The following SORCS1 variants were observed in gnomAD, a reference collection of about 807,000 sequenced individuals.
SORCS1 encodes the protein VPS10 domain-containing receptor SorCS1.
Under a neutral mutation model 146.1 loss-of-function variants are expected in SORCS1, and 60 were observed. That is an observed-to-expected ratio of 0.41 (90% CI 0.33 to 0.51). SORCS1 has a LOEUF of 0.51. Among genes scored for constraint, SORCS1 ranks in the 20% least tolerant of loss-of-function variants. The probability of loss-of-function intolerance (pLI) is 0.21; values close to 1 mark genes in which losing one functional copy is unlikely to be tolerated. For missense variants in SORCS1, 1,352 were observed against 1,487.6 expected (o/e 0.91, Z 1.50); for synonymous variants, 637 against 584.0 (o/e 1.09, Z -1.31).
chr10:107,052,473 C>T (rs1302983574), intron 1 of SORCS1, among the ~76,000 whole-genome samples: 1 of 152,064 alleles, frequency 6.6e-6, no homozygotes, highest in Non-Finnish European at 1.5e-5. Context: ...TGATGAAACC[C>T]TACAGGCTAA....
At chr10:107,086,014 G>A (rs1417341477) in intron 1 of SORCS1, among the ~76,000 whole-genome samples, 1 of 152,186 alleles carries the variant, frequency 6.6e-6, no homozygotes, top group Non-Finnish European at 1.5e-5. Flanking sequence ...AGTGACTTGA[G>A]GTTTAAAGCA....
Position 106,675,056 on chromosome 10 carries a change from T to C in SORCS1, c.1933A>G (p.Ile645Val). The C allele has an allele frequency of 6.2e-7, 1 of 1,612,458 alleles. No homozygotes were observed. Residue 645 changes from isoleucine (I) to valine (V), a missense_variant, in exon 14 of 26, where the codon ATC (isoleucine) becomes GTC (valine). Coordinates refer to ENST00000263054, the MANE Select transcript of SORCS1 (RefSeq NM_052918.5). ...TCATACTTTTCAACTTACGTCATGA[T>C]GAGAGTCTCTTCTCCAGGCTCACCC... is the stretch of plus-strand genomic sequence containing the variant. The part of the protein sequence containing the change: ...VLGEPGEETL[I>V]MTVFGHFSHR...
intron 23 of SORCS1, among the ~76,000 whole-genome samples, chr10:106,606,274 TAC>T (rs6144077): frequency 0.043 from 6,000 of 138,650 alleles, 108 homozygotes; most frequent in African/African-American, 0.07. Context: ...CACACAGATA[TAC>T]ACACACACAC....
intron 25 of SORCS1, chr10:106,578,651 C>T: frequency 1.0e-6 from 1 of 996,424 alleles, no homozygotes; most frequent in Non-Finnish European, 1.2e-6. Context: ...AGCAGTTTGC[C>T]CTCCTTAAGA....
intron 1 of SORCS1, among the ~76,000 whole-genome samples, chr10:107,124,553 C>T (rs940953898): frequency 6.6e-6 from 1 of 152,022 alleles, no homozygotes; most frequent in African/African-American, 2.4e-5. Flanking sequence ...GGTAAACGAA[C>T]CATTAATGGC....
chr10:106,599,172 C>G (rs1427853286), intron 23 of SORCS1, among the ~76,000 whole-genome samples: 1 of 152,018 alleles, frequency 6.6e-6, no homozygotes, highest in Non-Finnish European at 1.5e-5. Flanking sequence ...TCGAGACCAG[C>G]ATGGCCAACA....
intron 1 of SORCS1, among the ~76,000 whole-genome samples, chr10:107,002,494 C>T (rs1957262444): frequency 6.6e-6 from 1 of 152,180 alleles, no homozygotes; most frequent in Admixed American, 6.5e-5. Context: ...GCAACTGTCT[C>T]CAGCCCACAT....
intron 2 of SORCS1, among the ~76,000 whole-genome samples, chr10:106,912,203 G>A (rs866267287): frequency 6.6e-6 from 1 of 152,008 alleles, no homozygotes; most frequent in African/African-American, 2.4e-5. Flanking sequence ...GTGGCCAGAC[G>A]GTAAGGCTGC....
intron 2 of SORCS1, among the ~76,000 whole-genome samples, chr10:106,917,798 C>T (rs747993987): frequency 3.8e-4 from 58 of 152,180 alleles, no homozygotes; most frequent in Non-Finnish European, 7.6e-4. Flanking sequence ...GTCCCTCAGA[C>T]TCTGAGAGAA....
chr10:106,581,134 CA>C (rs1844881037), intron 24 of SORCS1, among the ~76,000 whole-genome samples: 1 of 152,190 alleles, frequency 6.6e-6, no homozygotes, highest in African/African-American at 2.4e-5. Context: ...AGGATGTCAT[CA>C]GGGGAAGAGA....
intron 1 of SORCS1, among the ~76,000 whole-genome samples, chr10:107,092,509 C>T (rs781393584): frequency 2.6e-5 from 4 of 152,174 alleles, no homozygotes; most frequent in Admixed American, 1.3e-4. Flanking sequence ...TCAATGGTAT[C>T]GTTCTCCCTG....
At chr10:106,816,110 T>C (rs1947731137) in intron 3 of SORCS1, among the ~76,000 whole-genome samples, 2 of 152,192 alleles carry the variant, frequency 1.3e-5, no homozygotes, top group South Asian at 4.1e-4. Context: ...CCCATTAAAA[T>C]GTCAGCAGCA....
intron 17 of SORCS1, among the ~76,000 whole-genome samples, chr10:106,659,884 TA>T (rs1850593923): frequency 6.6e-6 from 1 of 152,210 alleles, no homozygotes; most frequent in Admixed American, 6.5e-5. Flanking sequence ...AAGGTTTTCT[TA>T]AGAAAGTTTT....
chr10:106,983,261 T>C (rs1268650630), intron 1 of SORCS1, among the ~76,000 whole-genome samples: 8 of 148,384 alleles, frequency 5.4e-5, no homozygotes, highest in Admixed American at 4.7e-4. Context: ...CATATTTCTA[T>C]ATATAAATAT....
At chr10:107,130,495 G>C (rs774360333) in intron 1 of SORCS1, among the ~76,000 whole-genome samples, 1 of 152,206 alleles carries the variant, frequency 6.6e-6, no homozygotes, top group Non-Finnish European at 1.5e-5. Context: ...ATCCAGAAGA[G>C]CAAAGGCTGG....
chr10:107,062,549 A>G (rs1200301976), intron 1 of SORCS1, among the ~76,000 whole-genome samples: 1 of 152,174 alleles, frequency 6.6e-6, no homozygotes, highest in African/African-American at 2.4e-5. Context: ...TTGATCACCC[A>G]TCTACCATAG....
At chr10:107,007,301 C>T (rs1370623200) in intron 1 of SORCS1, among the ~76,000 whole-genome samples, 2 of 152,208 alleles carry the variant, frequency 1.3e-5, no homozygotes, top group East Asian at 3.8e-4. Context: ...AGGAGTGACA[C>T]TGTGCCATTT....
intron 1 of SORCS1, among the ~76,000 whole-genome samples, chr10:107,113,483 T>G (rs1965825072): frequency 6.6e-6 from 1 of 150,740 alleles, no homozygotes; most frequent in Non-Finnish European, 1.5e-5. Context: ...GGTCAAGAGG[T>G]CAAGACCATC....
intron 2 of SORCS1, among the ~76,000 whole-genome samples, chr10:106,885,285 T>TG (rs34957631): frequency 0.028 from 3,906 of 139,662 alleles, 142 homozygotes; most frequent in African/African-American, 0.082. Context: ...AGGAGAAAAT[T>TG]GGGGGGGGGG....
Sources: gnomAD v4.1 joint callset for allele counts (sites outside exome capture counted in the v4.1 genomes callset) on GRCh38, gnomAD v4.1.1 for gene constraint, MANE v1.5 for transcripts, NCBI Gene and HGNC (gene_info 2026-07-23, HGNC 2026-07-21) for gene names.